Variants in ENTPD5 observed in about 807,000 individuals in gnomAD.
ENTPD5 encodes nucleoside diphosphate phosphatase ENTPD5.
In ENTPD5, 49 loss-of-function variants were observed where a neutral mutation model predicts 60.2. That is an observed-to-expected ratio of 0.81 (90% CI 0.65 to 1.03). The LOEUF is 1.03. ENTPD5 is among the 50% of genes least tolerant of loss of function. The probability of loss-of-function intolerance (pLI) is 0.00; values close to 1 mark genes in which losing one functional copy is unlikely to be tolerated. For synonymous variants in ENTPD5, 187 were observed against 185.4 expected, an observed-to-expected ratio of 1.01 and a Z score of -0.07; for missense variants, 480 against 507.6, an observed-to-expected ratio of 0.95 and a Z score of 0.52.
At chr14:73,958,869 C>T, downstream of ENTPD5, 3 of 1,557,038 alleles carry the variant, frequency 1.9e-6, no homozygotes, top group South Asian at 3.5e-5. Flanking sequence ...TATCCTGCCA[C>T]ACAACAATCA....
In ENTPD5 at chr14:73,966,703, C is replaced by T. The variant is rs190461002; in HGVS notation, c.*225G>A. The T allele has an allele frequency of 4.5e-6, 2 of 442,654 alleles. No homozygotes were observed. Among genetic ancestry groups the T allele is most frequent in the African/African-American group, 4.0e-5 (2 of 49,448 alleles). 27.4% of individuals were successfully genotyped at this position (442,654 alleles called of 1,614,324 possible). On this transcript the variant is annotated 3_prime_UTR_variant, in exon 16 of 16. Transcript: ENST00000334696. ...TGGGCTCTCACTCCAAGGTTAAGTT[C>T]CAAAACTATACTTTTTGGCTCACAG... is the stretch of plus-strand genomic sequence containing the variant.
downstream of ENTPD5, chr14:73,959,095 C>G: frequency 6.2e-7 from 1 of 1,614,070 alleles, no homozygotes; most frequent in Non-Finnish European, 8.5e-7. Context: ...TCCTGAGCTG[C>G]CATCTGGGGA....
At chr14:74,015,080 CAAA>C (rs57058415) in intron 2 of ENTPD5, among the ~76,000 whole-genome samples, 10 of 125,750 alleles carry the variant, frequency 8.0e-5, no homozygotes, top group Non-Finnish European at 1.0e-4. Flanking sequence ...GACTACCTCT[CAAA>C]AAAAAAAAAA....
chr14:74,016,962 T>C (rs1242689780), intron 1 of ENTPD5, among the ~76,000 whole-genome samples: 2 of 152,338 alleles, frequency 1.3e-5, no homozygotes, highest in Non-Finnish European at 2.9e-5. Context: ...AACTCTTCAA[T>C]ATATGGCGAT....
intron 3 of ENTPD5, among the ~76,000 whole-genome samples, chr14:74,007,406 A>C (rs557978113): frequency 3.9e-5 from 6 of 152,224 alleles, no homozygotes; most frequent in African/African-American, 1.4e-4. Context: ...CTGTAGTCTC[A>C]GCTACTCAGG....
intron 5 of ENTPD5, among the ~76,000 whole-genome samples, chr14:73,983,697 T>A (rs200822964): frequency 0.017 from 2,212 of 132,114 alleles, 58 homozygotes; most frequent in African/African-American, 0.061. Context: ...TATTATTATT[T>A]TTTTTGGGAC....
At chr14:73,983,508 C>T (rs2057774810) in intron 5 of ENTPD5, among the ~76,000 whole-genome samples, 1 of 151,292 alleles carries the variant, frequency 6.6e-6, no homozygotes, top group African/African-American at 2.4e-5. Context: ...CCTGTAGTCT[C>T]AGCTACTCGG....
downstream of ENTPD5, chr14:73,961,550 C>A: frequency 6.8e-6 from 11 of 1,614,088 alleles, no homozygotes; most frequent in Non-Finnish European, 9.3e-6. Context: ...AGTACGGCAG[C>A]CTTCAATGGG....
intron 11 of ENTPD5, 107 bp downstream of exon 11, chr14:73,974,817 C>A: frequency 2.2e-6 from 2 of 897,264 alleles, no homozygotes; most frequent in Non-Finnish European, 3.5e-6. Flanking sequence ...CCTCCCAATT[C>A]AACATAATCT....
At chr14:73,987,140 A>C (rs2057936889) in intron 4 of ENTPD5, 1 of 702,306 alleles carries the variant, frequency 1.4e-6, no homozygotes, top group African/African-American at 1.7e-5. Context: ...AGGCTCCATA[A>C]GTGACCTGAG....
At chr14:73,974,060 A>G in intron 11 of ENTPD5, 82 bp from the exon 12 acceptor site, 1 of 1,130,542 alleles carries the variant, frequency 8.8e-7, no homozygotes, top group South Asian at 1.3e-5. Flanking sequence ...GTGAGGTGGA[A>G]AAGAATCACC....
chr14:73,986,991 T>C (rs899989229), intron 4 of ENTPD5, 98 bp from the exon 5 acceptor site: 4 of 867,078 alleles, frequency 4.6e-6, no homozygotes, highest in South Asian at 1.4e-5. Context: ...TTCCTATGAC[T>C]TCCCTGAAGT....
At chr14:74,011,500 T>C (rs761788485) in intron 2 of ENTPD5, among the ~76,000 whole-genome samples, 2 of 152,100 alleles carry the variant, frequency 1.3e-5, no homozygotes, top group Non-Finnish European at 2.9e-5. Flanking sequence ...AGCTAATTCA[T>C]AAGTAAAGTA....
downstream of ENTPD5, chr14:73,956,036 C>G (rs2056414047): frequency 1.3e-6 from 2 of 1,529,852 alleles, no homozygotes; most frequent in Non-Finnish European, 1.8e-6. Flanking sequence ...TAAAGAAATC[C>G]TCTGATGGCC....
At position 73,975,951 on chromosome 14, in the gene ENTPD5, TTA is replaced by T; in HGVS notation, c.705_706del (p.Tyr235Ter). The T allele has an allele frequency of 2.5e-6, 4 of 1,612,540 alleles. No individual in the cohort carries two copies. The highest frequency in any genetic ancestry group is 3.4e-6 in the Non-Finnish European group (4 of 1,178,840). On this transcript the variant is annotated stop_gained and frameshift_variant, in exon 10 of 16. Transcript: ENST00000334696. LOFTEE classifies it high-confidence loss of function. ...CCGTCCTCACCTATGTGTATAGAGC[TTA>T]TAAGTGCTGTTAAACATCTCAAAGG...
rs114582139 is a variant in ENTPD5 at position 74,015,214 on chromosome 14, T to C, written c.-131+610A>G. ...AGACTGATCCACCTATAAAGTACCA[T>C]CTGCTATAAGGTGATCTCAAGAATG... On this transcript the variant is annotated intron_variant, in intron 2 of 15. Coordinates refer to ENST00000334696, the MANE Select transcript of ENTPD5 (RefSeq NM_001249.5). Among the ~76,000 whole-genome samples the C allele has an allele frequency of 7.2e-3, 1,098 of 152,206 alleles. 13 individuals are homozygous for C. Among genetic ancestry groups the C allele is most frequent in the African/African-American group, 0.025 (1,044 of 41,562 alleles).
chr14:73,969,973 G>C, intron 15 of ENTPD5, 37 bp downstream of exon 15: 1 of 1,406,122 alleles, frequency 7.1e-7, no homozygotes, highest in Non-Finnish European at 1.0e-6. Context: ...CCCCACAAAA[G>C]AGGGCTGTTA....
downstream of ENTPD5, chr14:73,961,847 C>G (rs756082296): frequency 3.1e-6 from 5 of 1,614,104 alleles, no homozygotes; most frequent in African/African-American, 6.7e-5. Flanking sequence ...TGCCTCCCCG[C>G]TTGTGTTGCT....
At chr14:73,958,211 G>A, downstream of ENTPD5, 1 of 1,613,938 alleles carries the variant, frequency 6.2e-7, no homozygotes, top group Non-Finnish European at 8.5e-7. Context: ...CATTTCCTAT[G>A]GCCGACTCCA....
Sources: gnomAD v4.1 joint callset for allele counts (sites outside exome capture counted in the v4.1 genomes callset) on GRCh38, gnomAD v4.1.1 for gene constraint, MANE v1.5 for transcripts, NCBI Gene and HGNC (gene_info 2026-07-23, HGNC 2026-07-21) for gene names.